EDAR: variants seen among roughly 807,000 people sequenced by gnomAD.
EDAR encodes the protein ectodysplasin A receptor.
A neutral mutation model predicts 51.3 loss-of-function variants in EDAR; 38 were observed. That is an observed-to-expected ratio of 0.74 (90% CI 0.57 to 0.97). The LOEUF is 0.97. Ranked by LOEUF, EDAR falls within the 50% of genes least tolerant of loss-of-function variation. The probability of loss-of-function intolerance (pLI) is 0.00; values close to 1 mark genes in which losing one functional copy is unlikely to be tolerated. For synonymous variants in EDAR, 227 were observed against 242.1 expected, an observed-to-expected ratio of 0.94 and a Z score of 0.58; for missense variants, 528 against 595.0, an observed-to-expected ratio of 0.89 and a Z score of 1.17.
At chr2:108,959,668 A>AT (rs1697999930) in intron 1 of EDAR, among the ~76,000 whole-genome samples, 1 of 152,076 alleles carries the variant, frequency 6.6e-6, no homozygotes, top group Non-Finnish European at 1.5e-5. Flanking sequence ...TCAGCTCTGG[A>AT]TGCCCGGTGA....
At chr2:108,919,419 C>T (rs950906930) in intron 5 of EDAR, among the ~76,000 whole-genome samples, 2 of 152,068 alleles carry the variant, frequency 1.3e-5, no homozygotes, top group African/African-American at 2.4e-5. Flanking sequence ...AGTGCAATGG[C>T]GCAATCTCAG....
chr2:108,981,183 G>A (rs1698413193), intron 1 of EDAR, among the ~76,000 whole-genome samples: 1 of 152,200 alleles, frequency 6.6e-6, no homozygotes, highest in East Asian at 1.9e-4. Context: ...AAGTTACCCA[G>A]CAATGATGAT....
At chr2:108,903,885 A>T (rs1031075693) in intron 11 of EDAR, among the ~76,000 whole-genome samples, 2 of 152,220 alleles carry the variant, frequency 1.3e-5, no homozygotes, top group African/African-American at 4.8e-5. Context: ...ATCTAGGACT[A>T]GGCAAGAGAG....
intron 1 of EDAR, among the ~76,000 whole-genome samples, chr2:108,956,931 G>A (rs1697938225): frequency 6.6e-6 from 1 of 152,156 alleles, no homozygotes; most frequent in Non-Finnish European, 1.5e-5. Context: ...TGGGATTACA[G>A]GCACCTACCA....
intron 11 of EDAR, among the ~76,000 whole-genome samples, chr2:108,899,706 C>G (rs1219674471): frequency 6.6e-6 from 1 of 152,192 alleles, no homozygotes; most frequent in African/African-American, 2.4e-5. Flanking sequence ...ACCAGTAAGG[C>G]TGGGCACGGT....
At chr2:108,958,072 G>T (rs770584987) in intron 1 of EDAR, among the ~76,000 whole-genome samples, 1 of 151,928 alleles carries the variant, frequency 6.6e-6, no homozygotes, top group Non-Finnish European at 1.5e-5. Flanking sequence ...TACCATGCCC[G>T]TGAGCCTCAC....
At chr2:108,901,764 T>A (rs929408955) in intron 11 of EDAR, among the ~76,000 whole-genome samples, 2 of 152,186 alleles carry the variant, frequency 1.3e-5, no homozygotes, top group African/African-American at 4.8e-5. Flanking sequence ...ATAAAATAGA[T>A]CATTTGAACA....
At chr2:108,939,935 C>T (rs1697559947) in intron 1 of EDAR, among the ~76,000 whole-genome samples, 1 of 152,188 alleles carries the variant, frequency 6.6e-6, no homozygotes, top group Non-Finnish European at 1.5e-5. Flanking sequence ...GGAGACGAGG[C>T]CTCCTGCATG....
At chr2:108,976,957 A>C (rs1277372675) in intron 1 of EDAR, among the ~76,000 whole-genome samples, 3 of 152,164 alleles carry the variant, frequency 2.0e-5, no homozygotes, top group Non-Finnish European at 2.9e-5. Context: ...TTAGAATCCC[A>C]GATCTGGGTG....
chr2:108,902,152 C>T (rs902643217), intron 11 of EDAR, among the ~76,000 whole-genome samples: 5 of 150,904 alleles, frequency 3.3e-5, no homozygotes, highest in African/African-American at 1.2e-4. Flanking sequence ...AAAGGAGAAT[C>T]GCTTAAACCT....
intron 3 of EDAR, among the ~76,000 whole-genome samples, chr2:108,929,719 A>C (rs1318206969): frequency 6.6e-6 from 1 of 152,194 alleles, no homozygotes; most frequent in African/African-American, 2.4e-5. Context: ...GAAACCCCGG[A>C]GGTTTCCCTT....
At chr2:108,926,345 C>T (rs1697254646) in intron 4 of EDAR, among the ~76,000 whole-genome samples, 1 of 152,208 alleles carries the variant, frequency 6.6e-6, no homozygotes, top group African/African-American at 2.4e-5. Flanking sequence ...GTGTATAGCC[C>T]AGGACAAGAG....
At chr2:108,916,906 C>G (rs906396286) in intron 5 of EDAR, among the ~76,000 whole-genome samples, 6 of 152,186 alleles carry the variant, frequency 3.9e-5, no homozygotes, top group African/African-American at 1.4e-4. Context: ...ATCACAGTCA[C>G]TAGATCATTG....
chr2:108,929,495 G>A lies in EDAR; in HGVS notation c.175-116C>T, dbSNP rs183685856. On this transcript the variant is annotated intron_variant, in intron 3 of 11. Coordinates refer to ENST00000258443, the MANE Select transcript of EDAR (RefSeq NM_022336.4). ...GCTGTCTCCAGAAGCTACTCTTGCC[G>A]GGCCTTGGTTTCCTGAGTTGTCCTA... 1.6e-4 allele frequency: 185 copies of A among 1,147,530 alleles called. No homozygotes were observed. In the African/African-American group the frequency reaches 1.7e-3, roughly 11 times the overall value. The allele number at this position is 1,147,530 out of a possible 1,614,324, so 71.1% of individuals were successfully genotyped here. A position where few individuals can be genotyped will look rare whatever the true frequency, so the allele number is the denominator to read the frequency against.
intron 1 of EDAR, among the ~76,000 whole-genome samples, chr2:108,951,346 T>C (rs993928970): frequency 6.6e-6 from 1 of 152,344 alleles, no homozygotes; most frequent in East Asian, 1.9e-4. Context: ...CACAAAGAAC[T>C]GAACCATCAG....
chr2:108,960,497 G>A (rs1392261877), intron 1 of EDAR, among the ~76,000 whole-genome samples: 2 of 152,214 alleles, frequency 1.3e-5, no homozygotes, highest in Non-Finnish European at 2.9e-5. Flanking sequence ...GTGGGGGCAT[G>A]AGGAGCCAGG....
At chr2:108,919,529 T>C (rs968611656) in intron 5 of EDAR, among the ~76,000 whole-genome samples, 13 of 152,174 alleles carry the variant, frequency 8.5e-5, no homozygotes, top group African/African-American at 3.1e-4. Flanking sequence ...CAGCTAATTT[T>C]GTATTTTTAG....
intron 11 of EDAR, among the ~76,000 whole-genome samples, chr2:108,905,212 C>G (rs1411428850): frequency 6.6e-6 from 1 of 152,110 alleles, no homozygotes; most frequent in Non-Finnish European, 1.5e-5. Flanking sequence ...CACAGGTTCT[C>G]AGCCCTGGCT....
In EDAR at chr2:108,959,416, C is replaced by G. The variant is rs112929624; in HGVS notation, c.-18-28384G>C. On this transcript the variant is annotated intron_variant, in intron 1 of 11. Transcript: ENST00000258443. The stretch of plus-strand genomic sequence containing the variant: ...TAATGCAGGGGACGCTGGGCTGTGA[C>G]TTGGGGTTCTCCCTGATCCAACCCA... Among the ~76,000 whole-genome samples, 443 of 152,334 alleles carry G rather than the reference C, an allele frequency of 2.9e-3. 6 individuals carry two copies. The highest frequency in any genetic ancestry group is 0.01 in the African/African-American group (425 of 41,570).
Sources: allele counts gnomAD v4.1 joint callset (sites outside exome capture counted in the v4.1 genomes callset), GRCh38; gene constraint gnomAD v4.1.1; transcripts MANE v1.5; gene names NCBI Gene and HGNC (gene_info 2026-07-23, HGNC 2026-07-21).